The following ST8SIA4 variants were observed in gnomAD, a reference collection of about 807,000 sequenced individuals.
ST8SIA4 encodes the protein CMP-N-acetylneuraminate-poly-alpha-2,8-sialyltransferase.
In ST8SIA4, 15 loss-of-function variants were observed where a neutral mutation model predicts 33.9. That is an observed-to-expected ratio of 0.44 (90% CI 0.30 to 0.68). The LOEUF is 0.68. Ranked by LOEUF, ST8SIA4 falls within the 30% of genes least tolerant of loss-of-function variation. ST8SIA4 has a pLI of 0.10. For missense variants in ST8SIA4, 321 were observed against 428.0 expected, an observed-to-expected ratio of 0.75 and a Z score of 2.21; for synonymous variants, 171 against 151.2, an observed-to-expected ratio of 1.13 and a Z score of -0.96.
chr5:100,812,857 C>A (rs866000653), intron 4 of ST8SIA4, among the ~76,000 whole-genome samples: 1 of 152,056 alleles, frequency 6.6e-6, no homozygotes. Context: ...GTGAAAAGCA[C>A]GCAAACTCAC....
At chr5:100,896,289 C>T (rs1394546040) in intron 1 of ST8SIA4, among the ~76,000 whole-genome samples, 1 of 152,024 alleles carries the variant, frequency 6.6e-6, no homozygotes, top group Non-Finnish European at 1.5e-5. Context: ...AAAATCCTGC[C>T]ATTTGTGCTA....
intron 3 of ST8SIA4, among the ~76,000 whole-genome samples, chr5:100,863,532 A>G (rs1751993493): frequency 6.6e-6 from 1 of 152,216 alleles, no homozygotes; most frequent in Admixed American, 6.5e-5. Flanking sequence ...TAAAATAAAT[A>G]TATTGAAATG....
At chr5:100,891,390 G>C (rs923524277) in intron 2 of ST8SIA4, among the ~76,000 whole-genome samples, 1 of 151,968 alleles carries the variant, frequency 6.6e-6, no homozygotes, top group African/African-American at 2.4e-5. Context: ...AAAAAACAGA[G>C]AGAACACACA....
chr5:100,897,147 T>C (rs993145218), intron 1 of ST8SIA4, among the ~76,000 whole-genome samples: 1 of 152,102 alleles, frequency 6.6e-6, no homozygotes, highest in African/African-American at 2.4e-5. Flanking sequence ...GAGATTATAG[T>C]AGAGAGAAAA....
chr5:100,859,108 A>G (rs902370997), intron 3 of ST8SIA4, among the ~76,000 whole-genome samples: 4 of 152,046 alleles, frequency 2.6e-5, no homozygotes, highest in Admixed American at 1.3e-4. Context: ...ATCAAAAATA[A>G]CCAACGAGCT....
intron 4 of ST8SIA4, among the ~76,000 whole-genome samples, chr5:100,825,147 G>A (rs542317790): frequency 6.6e-6 from 1 of 152,052 alleles, no homozygotes; most frequent in South Asian, 2.1e-4. Flanking sequence ...TCCTAGAGTG[G>A]GATATAAGTA....
intron 3 of ST8SIA4, among the ~76,000 whole-genome samples, chr5:100,868,485 C>G (rs190136782): frequency 1.3e-5 from 2 of 152,130 alleles, no homozygotes; most frequent in African/African-American, 4.8e-5. Context: ...TCAACTTTAT[C>G]AATTCTCTGT....
At position 100,894,827 on chromosome 5, in the gene ST8SIA4, T is replaced by A. The variant is rs186790061; in HGVS notation, c.245+827A>T. On this transcript the variant is annotated intron_variant, in intron 2 of 4. Coordinates refer to ENST00000231461, the MANE Select transcript of ST8SIA4 (RefSeq NM_005668.6). Reference sequence around the variant, plus strand: ...GTCACTAAGCTACACCTATAAAATCTGTGTGTTAATGCTAACTATTAATTG... The same window carrying A: ...GTCACTAAGCTACACCTATAAAATCAGTGTGTTAATGCTAACTATTAATTG... Among the ~76,000 whole-genome samples, 85 of 152,216 alleles carry A rather than the reference T, an allele frequency of 5.6e-4. 1 individual carries two copies. The East Asian group carries it at 0.015, about 27-fold the overall frequency.
At chr5:100,858,708 A>G (rs1330685692) in intron 3 of ST8SIA4, among the ~76,000 whole-genome samples, 1 of 152,148 alleles carries the variant, frequency 6.6e-6, no homozygotes, top group African/African-American at 2.4e-5. Context: ...AGAACAGATT[A>G]ATTTAGGAAA....
intron 3 of ST8SIA4, among the ~76,000 whole-genome samples, chr5:100,858,379 G>A (rs1461361755): frequency 3.9e-5 from 6 of 151,902 alleles, no homozygotes; most frequent in Admixed American, 2.6e-4. Context: ...TCCAATTGTA[G>A]AGAAAACAAT....
At chr5:100,893,472 A>G (rs1308435759) in intron 2 of ST8SIA4, among the ~76,000 whole-genome samples, 2 of 152,160 alleles carry the variant, frequency 1.3e-5, no homozygotes, top group Non-Finnish European at 2.9e-5. Context: ...CTAACATTTC[A>G]TTCATACTAT....
chr5:100,898,923 G>A (rs936434972), intron 1 of ST8SIA4, among the ~76,000 whole-genome samples: 1 of 152,156 alleles, frequency 6.6e-6, no homozygotes, highest in African/African-American at 2.4e-5. Context: ...ATAATACAAA[G>A]GATCCCTGCT....
chr5:100,888,983 G>T (rs917452280), intron 2 of ST8SIA4, among the ~76,000 whole-genome samples: 1 of 151,722 alleles, frequency 6.6e-6, no homozygotes, highest in African/African-American at 2.4e-5. Context: ...CTCTACAAAT[G>T]AAATCACAAA....
At chr5:100,868,712 T>C (rs1752133663) in intron 3 of ST8SIA4, among the ~76,000 whole-genome samples, 1 of 152,122 alleles carries the variant, frequency 6.6e-6, no homozygotes, top group South Asian at 2.1e-4. Flanking sequence ...CCTTTATTTA[T>C]GCTGATGTCT....
intron 2 of ST8SIA4, among the ~76,000 whole-genome samples, chr5:100,892,618 G>A (rs1205899578): frequency 6.6e-6 from 1 of 151,948 alleles, no homozygotes; most frequent in Non-Finnish European, 1.5e-5. Flanking sequence ...CTCAGGAACT[G>A]TTTTCACATT....
chr5:100,817,519 T>C (rs902665949), intron 4 of ST8SIA4, among the ~76,000 whole-genome samples: 1 of 152,210 alleles, frequency 6.6e-6, no homozygotes, highest in Non-Finnish European at 1.5e-5. Flanking sequence ...CAGTCATCCG[T>C]GGACATATTG....
chr5:100,812,469 CT>C (rs1750835184), intron 4 of ST8SIA4, among the ~76,000 whole-genome samples: 1 of 151,948 alleles, frequency 6.6e-6, no homozygotes, highest in African/African-American at 2.4e-5. Flanking sequence ...TTAAATACAA[CT>C]GCAGAAGTCA....
At chr5:100,822,856 C>T (rs1042207809) in intron 4 of ST8SIA4, among the ~76,000 whole-genome samples, 1 of 151,992 alleles carries the variant, frequency 6.6e-6, no homozygotes, top group Admixed American at 6.6e-5. Context: ...AGAAACCAGG[C>T]GAAACTCACC....
At chr5:100,900,280 A>C in intron 1 of ST8SIA4, 1 of 376,630 alleles carries the variant, frequency 2.7e-6, no homozygotes, top group South Asian at 1.9e-5. Context: ...CAAGGCTCGC[A>C]GTGCCCCCCA....
Sources: gnomAD v4.1 joint callset for allele counts (sites outside exome capture counted in the v4.1 genomes callset) on GRCh38, gnomAD v4.1.1 for gene constraint, MANE v1.5 for transcripts, NCBI Gene and HGNC (gene_info 2026-07-23, HGNC 2026-07-21) for gene names.